The following ATP8A2 variants were observed in gnomAD, a reference collection of about 807,000 sequenced individuals.
The protein encoded by ATP8A2 is ATPase phospholipid transporting 8A2.
In ATP8A2, 100 loss-of-function variants were observed where a neutral mutation model predicts 165.6. The observed-to-expected ratio is 0.60, with a 90% CI of 0.51 to 0.71. The LOEUF is 0.71. Ranked by LOEUF, ATP8A2 falls within the 30% of genes least tolerant of loss-of-function variation. The pLI is 0.00. For synonymous variants in ATP8A2, 543 were observed against 548.8 expected, an observed-to-expected ratio of 0.99 and a Z score of 0.15; for missense variants, 1,227 against 1,479.5, an observed-to-expected ratio of 0.83 and a Z score of 2.80.
intron 1 of ATP8A2, among the ~76,000 whole-genome samples, chr13:25,373,824 G>A (rs537802133): frequency 6.6e-6 from 1 of 152,260 alleles, no homozygotes; most frequent in East Asian, 1.9e-4. Flanking sequence ...GGGGCTCCGG[G>A]GAGTGTGCAA....
At chr13:25,384,189 C>G (rs2032956281) in intron 1 of ATP8A2, among the ~76,000 whole-genome samples, 1 of 152,218 alleles carries the variant, frequency 6.6e-6, no homozygotes, top group African/African-American at 2.4e-5. Context: ...AGACATCAGT[C>G]TGGTTCTTGT....
At chr13:25,778,098 C>T (rs1160228498) in intron 27 of ATP8A2, among the ~76,000 whole-genome samples, 1 of 152,170 alleles carries the variant, frequency 6.6e-6, no homozygotes, top group Non-Finnish European at 1.5e-5. Flanking sequence ...TGCCATTTCA[C>T]AGGGGGGTTT....
At chr13:25,633,000 A>T (rs1388005797) in intron 24 of ATP8A2, among the ~76,000 whole-genome samples, 2 of 152,188 alleles carry the variant, frequency 1.3e-5, no homozygotes, top group Non-Finnish European at 2.9e-5. Flanking sequence ...TTTACTTTTA[A>T]GTAAAACTCC....
chr13:25,952,491 C>A (rs896362956), intron 33 of ATP8A2, among the ~76,000 whole-genome samples: 3 of 152,074 alleles, frequency 2.0e-5, no homozygotes, highest in Non-Finnish European at 4.4e-5. Context: ...AGCGATCCCC[C>A]CACCTTAGCC....
chr13:25,611,698 T>C (rs2040691810), intron 24 of ATP8A2, among the ~76,000 whole-genome samples: 1 of 152,120 alleles, frequency 6.6e-6, no homozygotes. Context: ...TGTGGAATTG[T>C]GTCAATAGGA....
chr13:25,702,220 C>G (rs1400644568), intron 25 of ATP8A2, among the ~76,000 whole-genome samples: 3 of 152,006 alleles, frequency 2.0e-5, no homozygotes, highest in Non-Finnish European at 4.4e-5. Context: ...CAGAAAATAA[C>G]TGGTCTATGA....
intron 24 of ATP8A2, among the ~76,000 whole-genome samples, chr13:25,632,031 C>A (rs1234343720): frequency 1.3e-5 from 2 of 152,102 alleles, no homozygotes; most frequent in African/African-American, 4.8e-5. Flanking sequence ...CTGACACCCC[C>A]TCATGGTTCG....
chr13:25,825,899 T>C (rs943839866), intron 27 of ATP8A2, among the ~76,000 whole-genome samples: 11 of 151,024 alleles, frequency 7.3e-5, no homozygotes, highest in Non-Finnish European at 1.3e-4. Context: ...ATTGAGTGAC[T>C]AGGAGAGAGA....
chr13:25,685,244 C>T (rs1044774244), intron 24 of ATP8A2, among the ~76,000 whole-genome samples: 5 of 152,332 alleles, frequency 3.3e-5, no homozygotes, highest in South Asian at 4.1e-4. Flanking sequence ...CCTGCTGCTC[C>T]CTCCGTCCAG....
At chr13:25,423,581 ACCCATTT>A (rs560126168) in intron 1 of ATP8A2, among the ~76,000 whole-genome samples, 110 of 152,324 alleles carry the variant, frequency 7.2e-4, no homozygotes, top group African/African-American at 2.6e-3. Context: ...CTACGAGAGT[ACCCATTT>A]CCACTTAGAC....
chr13:25,664,841 A>G (rs1015575646), intron 24 of ATP8A2, among the ~76,000 whole-genome samples: 1 of 152,144 alleles, frequency 6.6e-6, no homozygotes, highest in Non-Finnish European at 1.5e-5. Context: ...TTGCGGTAAC[A>G]TGGGACATAA....
rs140244322 is a variant in ATP8A2, at chr13:25,819,930, T to C, written c.2680-8188T>C. On this transcript the variant is annotated intron_variant, in intron 27 of 36. Transcript: ENST00000381655. ...TGCAAATTAGTAGATCGTGATGTTA[T>C]TGCCACTTCAGTAAGAAACCATATG... Among the ~76,000 whole-genome samples, 885 of 152,354 alleles carry C rather than the reference T, an allele frequency of 5.8e-3. 10 individuals carry two copies. The highest frequency in any genetic ancestry group is 0.02 in the African/African-American group (848 of 41,578).
intron 30 of ATP8A2, among the ~76,000 whole-genome samples, chr13:25,848,427 G>A (rs908400042): frequency 5.3e-5 from 8 of 152,248 alleles, no homozygotes; most frequent in Non-Finnish European, 7.3e-5. Context: ...GGCATGGGGT[G>A]CTGGGGGATA....
intron 24 of ATP8A2, among the ~76,000 whole-genome samples, chr13:25,596,466 G>A (rs563848591): frequency 1.1e-4 from 17 of 152,142 alleles, no homozygotes; most frequent in African/African-American, 1.9e-4. Context: ...AGGCAAGCAC[G>A]CGGACCTTCT....
chr13:25,622,147 A>C (rs2137461080), intron 24 of ATP8A2, among the ~76,000 whole-genome samples: 1 of 150,938 alleles, frequency 6.6e-6, no homozygotes, highest in East Asian at 2.0e-4. Context: ...TGGAGGTTGC[A>C]GTGAGCCGAG....
At chr13:25,776,904 A>G (rs767387676) in intron 27 of ATP8A2, among the ~76,000 whole-genome samples, 9 of 151,796 alleles carry the variant, frequency 5.9e-5, no homozygotes, top group Non-Finnish European at 1.3e-4. Context: ...GGAGCTCCCA[A>G]TCTTTCACTT....
chr13:25,846,447 G>C (rs905360491), intron 30 of ATP8A2, among the ~76,000 whole-genome samples: 7 of 152,174 alleles, frequency 4.6e-5, no homozygotes, highest in Non-Finnish European at 1.0e-4. Flanking sequence ...AATGAGGTAG[G>C]AGAAGAGGAG....
intron 2 of ATP8A2, among the ~76,000 whole-genome samples, chr13:25,509,283 C>G (rs2037144639): frequency 6.6e-6 from 1 of 152,036 alleles, no homozygotes; most frequent in Non-Finnish European, 1.5e-5. Context: ...AATTTGACAA[C>G]CATCATAAAA....
At chr13:25,493,162 A>G (rs986892556) in intron 2 of ATP8A2, among the ~76,000 whole-genome samples, 2 of 152,120 alleles carry the variant, frequency 1.3e-5, no homozygotes, top group South Asian at 4.1e-4. Context: ...CATAATTTAC[A>G]TTTTGAGTAA....
Sources: allele counts gnomAD v4.1 joint callset (sites outside exome capture counted in the v4.1 genomes callset), GRCh38; gene constraint gnomAD v4.1.1; transcripts MANE v1.5; gene names NCBI Gene and HGNC (gene_info 2026-07-23, HGNC 2026-07-21).